The following UNC13C variants were observed in gnomAD, a reference collection of about 807,000 sequenced individuals.
UNC13C encodes the protein protein unc-13 homolog C.
In UNC13C, 174 loss-of-function variants were observed where a neutral mutation model predicts 245.4. That is an observed-to-expected ratio of 0.71 (90% CI 0.63 to 0.80). UNC13C has a LOEUF of 0.80. UNC13C is among the 30% of genes least tolerant of loss of function. The probability of loss-of-function intolerance (pLI) is 0.00; values close to 1 mark genes in which losing one functional copy is unlikely to be tolerated. For synonymous variants in UNC13C, 992 were observed against 895.1 expected (o/e 1.11, Z -1.93); for missense variants, 2,829 against 2,602.9 (o/e 1.09, Z -1.89).
At chr15:54,451,958 G>A (rs764126100) in intron 19 of UNC13C, among the ~76,000 whole-genome samples, 2 of 152,192 alleles carry the variant, frequency 1.3e-5, no homozygotes, top group Non-Finnish European at 2.9e-5. Context: ...ATTTTGGTTA[G>A]GTAGGGAACA....
intron 4 of UNC13C, among the ~76,000 whole-genome samples, chr15:54,174,290 C>G (rs1479210256): frequency 1.3e-5 from 2 of 152,030 alleles, no homozygotes; most frequent in Non-Finnish European, 2.9e-5. Flanking sequence ...AGATTATTTT[C>G]TTGTTAAGTG....
intron 19 of UNC13C, among the ~76,000 whole-genome samples, chr15:54,486,264 C>CACACACACACACACACAA (rs2141072859): frequency 6.7e-6 from 1 of 149,894 alleles, no homozygotes; most frequent in Non-Finnish European, 1.5e-5. Context: ...CACACACACA[C>CACACACACACACACACAA]ACACACACAC....
chr15:54,444,305 C>T (rs1309243922), intron 19 of UNC13C, among the ~76,000 whole-genome samples: 1 of 150,284 alleles, frequency 6.7e-6, no homozygotes, highest in Non-Finnish European at 1.5e-5. Context: ...AAATATATGT[C>T]ATATATATAC....
chr15:53,940,834 A>G, the UNC13C span, among the ~76,000 whole-genome samples: 2 of 152,226 alleles, frequency 1.3e-5, no homozygotes, highest in East Asian at 3.8e-4. Flanking sequence ...AAATGGAAAA[A>G]CATTCCATGC....
chr15:54,348,811 T>C (rs994427941), intron 17 of UNC13C, among the ~76,000 whole-genome samples: 1 of 152,160 alleles, frequency 6.6e-6, no homozygotes, highest in Non-Finnish European at 1.5e-5. Context: ...AATGTACATG[T>C]AGAAAAATAT....
chr15:54,259,916 C>T (rs2036381010), intron 8 of UNC13C, among the ~76,000 whole-genome samples: 1 of 151,738 alleles, frequency 6.6e-6, no homozygotes, highest in Non-Finnish European at 1.5e-5. Context: ...ATTTTATATT[C>T]AATTTATTCC....
intron 17 of UNC13C, among the ~76,000 whole-genome samples, chr15:54,388,224 A>G (rs907637107): frequency 1.3e-5 from 2 of 151,918 alleles, no homozygotes; most frequent in Non-Finnish European, 2.9e-5. Flanking sequence ...ACCAAAATAT[A>G]TATTTGTTCT....
intron 19 of UNC13C, among the ~76,000 whole-genome samples, chr15:54,434,749 T>G (rs2040945065): frequency 6.6e-6 from 1 of 152,028 alleles, no homozygotes; most frequent in South Asian, 2.1e-4. Context: ...CTAATTAAAC[T>G]AAAGAGCTTC....
intron 17 of UNC13C, among the ~76,000 whole-genome samples, chr15:54,381,878 TTAAAC>T (rs1269743077): frequency 3.9e-5 from 6 of 152,194 alleles, no homozygotes; most frequent in African/African-American, 1.4e-4. Flanking sequence ...GACATTGGAC[TTAAAC>T]TGAACTTGCG....
At chr15:54,345,659 G>C (rs1222018969) in intron 17 of UNC13C, among the ~76,000 whole-genome samples, 2 of 152,028 alleles carry the variant, frequency 1.3e-5, no homozygotes, top group Non-Finnish European at 2.9e-5. Flanking sequence ...GGCTTATTTT[G>C]ACTAATAGAA....
chr15:54,454,845 G>T (rs1231870855), intron 19 of UNC13C, among the ~76,000 whole-genome samples: 1 of 151,184 alleles, frequency 6.6e-6, no homozygotes, highest in African/African-American at 2.4e-5. Flanking sequence ...GTAGTTTCAG[G>T]GGAACAAGTG....
chr15:54,633,259 ATCT>A (rs1901489944), downstream of UNC13C: 1 of 152,186 alleles, frequency 6.6e-6, no homozygotes, highest in Non-Finnish European at 1.5e-5. Flanking sequence ...ACAATATTGA[ATCT>A]TCAATTCGTG....
intron 4 of UNC13C, among the ~76,000 whole-genome samples, chr15:54,165,594 A>G (rs997055005): frequency 2.6e-5 from 4 of 152,124 alleles, no homozygotes; most frequent in African/African-American, 7.2e-5. Context: ...ATCTTTATAT[A>G]CTATAGTAAA....
chr15:54,156,532 G>T (rs1302584622), intron 4 of UNC13C, among the ~76,000 whole-genome samples: 2 of 152,070 alleles, frequency 1.3e-5, no homozygotes, highest in African/African-American at 2.4e-5. Flanking sequence ...TAATTTAGAA[G>T]GTTCCCCACG....
At chr15:54,261,791 C>A (rs2036433955) in intron 8 of UNC13C, among the ~76,000 whole-genome samples, 1 of 152,176 alleles carries the variant, frequency 6.6e-6, no homozygotes, top group Non-Finnish European at 1.5e-5. Flanking sequence ...GATCTGCTGG[C>A]CTCGGCCTCC....
chr15:54,173,437 C>T (rs754989909), intron 4 of UNC13C, among the ~76,000 whole-genome samples: 37 of 152,000 alleles, frequency 2.4e-4, no homozygotes, highest in Admixed American at 2.6e-4. Flanking sequence ...AGTTACTGCA[C>T]GTTTATTAAA....
At chr15:54,589,222 T>C (rs923930770) in intron 30 of UNC13C, among the ~76,000 whole-genome samples, 51 of 151,776 alleles carry the variant, frequency 3.4e-4, no homozygotes, top group African/African-American at 1.2e-3. Context: ...TTGCATTTCG[T>C]TGATCATTAG....
At chr15:54,211,251 C>T (rs1008175389) in intron 4 of UNC13C, among the ~76,000 whole-genome samples, 1 of 152,034 alleles carries the variant, frequency 6.6e-6, no homozygotes, top group African/African-American at 2.4e-5. Flanking sequence ...TTTTAAAGAA[C>T]TCAAATATTT....
At chr15:54,592,571 C>T (rs532497091) in intron 30 of UNC13C, among the ~76,000 whole-genome samples, 10 of 152,198 alleles carry the variant, frequency 6.6e-5, no homozygotes, top group South Asian at 4.1e-4. Context: ...CTCTTTTAAC[C>T]GCTGTTGCTT....
Sources: allele counts gnomAD v4.1 joint callset (sites outside exome capture counted in the v4.1 genomes callset), GRCh38; gene constraint gnomAD v4.1.1; transcripts MANE v1.5; gene names NCBI Gene and HGNC (gene_info 2026-07-23, HGNC 2026-07-21).